The following CDH18 variants were observed in gnomAD, a reference collection of about 807,000 sequenced individuals.
The protein encoded by CDH18 is cadherin 18.
CDH18 carries 31 observed loss-of-function variants against 67.9 expected under a neutral mutation model. That is an observed-to-expected ratio of 0.46 (90% CI 0.34 to 0.62). The LOEUF is 0.62. CDH18 is among the 20% of genes least tolerant of loss of function. The pLI is 0.01. For synonymous variants in CDH18, 362 were observed against 347.2 expected, an observed-to-expected ratio of 1.04 and a Z score of -0.48; for missense variants, 890 against 975.5, an observed-to-expected ratio of 0.91 and a Z score of 1.17.
intron 2 of CDH18, among the ~76,000 whole-genome samples, chr5:19,852,026 G>A (rs1157191571): frequency 6.6e-6 from 1 of 151,926 alleles, no homozygotes; most frequent in East Asian, 1.9e-4. Context: ...GGAATAAAAT[G>A]GATTATTTGC....
At chr5:20,367,166 G>A (rs1280218697) in intron 1 of CDH18, among the ~76,000 whole-genome samples, 1 of 152,128 alleles carries the variant, frequency 6.6e-6, no homozygotes, top group African/African-American at 2.4e-5. Context: ...TTGATTGAGA[G>A]CAGTAGATAC....
chr5:20,173,527 TA>T (rs1737004091), intron 2 of CDH18, among the ~76,000 whole-genome samples: 1 of 152,130 alleles, frequency 6.6e-6, no homozygotes, highest in South Asian at 2.1e-4. Flanking sequence ...AAAATGTAGG[TA>T]AGTACCTCTG....
intron 2 of CDH18, among the ~76,000 whole-genome samples, chr5:20,241,905 T>TAAAA (rs1554106552): frequency 1.4e-5 from 2 of 141,450 alleles, no homozygotes; most frequent in African/African-American, 5.6e-5. Flanking sequence ...TATATATATA[T>TAAAA]ATATTGCTTA....
chr5:20,417,679 C>T (rs1747432069), intron 1 of CDH18, among the ~76,000 whole-genome samples: 1 of 152,134 alleles, frequency 6.6e-6, no homozygotes, highest in Non-Finnish European at 1.5e-5. Flanking sequence ...GAGAAGACAG[C>T]TAAGCACTGC....
intron 2 of CDH18, among the ~76,000 whole-genome samples, chr5:19,972,840 T>G (rs1211587265): frequency 2.0e-5 from 3 of 152,000 alleles, no homozygotes; most frequent in African/African-American, 7.2e-5. Flanking sequence ...ACAGTTATAT[T>G]ATTTGTAATA....
At chr5:20,012,095 T>A (rs1167378920) in intron 2 of CDH18, among the ~76,000 whole-genome samples, 8 of 151,980 alleles carry the variant, frequency 5.3e-5, no homozygotes, top group Admixed American at 5.3e-4. Flanking sequence ...TGGAAGACTA[T>A]AACTGCCTCA....
At chr5:20,004,408 A>G (rs1403454602) in intron 2 of CDH18, among the ~76,000 whole-genome samples, 1 of 152,202 alleles carries the variant, frequency 6.6e-6, no homozygotes, top group Non-Finnish European at 1.5e-5. Flanking sequence ...AGCTCCTTCC[A>G]TATACATAAT....
chr5:19,508,641 G>T (rs904784989), intron 10 of CDH18, among the ~76,000 whole-genome samples: 3 of 151,966 alleles, frequency 2.0e-5, no homozygotes, highest in Non-Finnish European at 4.4e-5. Context: ...ACAAATAGAT[G>T]TATCCACTTT....
In CDH18 at chr5:20,122,050, A is replaced by T. The variant is rs562791147; in HGVS notation, c.-517-130036T>A. Among the ~76,000 whole-genome samples the T allele has an allele frequency of 5.9e-5, 9 of 152,338 alleles. No homozygotes were observed. The East Asian group carries it at 1.7e-3, about 29-fold the overall frequency. On this transcript the variant is annotated intron_variant, in intron 2 of 14. Coordinates refer to the CDH18 transcript ENST00000507958. Reference sequence around the variant, plus strand: ...TCCCTCCCCCCTCTCACAATGAAGTATGTAGAGAAATAAATTGTGTTAGAA... The same window carrying T: ...TCCCTCCCCCCTCTCACAATGAAGTTTGTAGAGAAATAAATTGTGTTAGAA...
chr5:19,783,712 G>A (rs747654714), intron 3 of CDH18, among the ~76,000 whole-genome samples: 1 of 152,122 alleles, frequency 6.6e-6, no homozygotes, highest in Non-Finnish European at 1.5e-5. Flanking sequence ...ATGAGGTGGA[G>A]TCTCATCTCC....
intron 2 of CDH18, among the ~76,000 whole-genome samples, chr5:20,128,577 T>C (rs1378583488): frequency 6.6e-6 from 1 of 152,058 alleles, no homozygotes; most frequent in Non-Finnish European, 1.5e-5. Context: ...AAACAATTCA[T>C]TGTCCACACA....
chr5:20,181,469 T>C (rs1446820752), intron 2 of CDH18, among the ~76,000 whole-genome samples: 2 of 152,112 alleles, frequency 1.3e-5, no homozygotes, highest in Admixed American at 6.6e-5. Flanking sequence ...GTGCCCCAAC[T>C]GAGTTCTCAA....
At chr5:20,228,254 C>G (rs1269588238) in intron 2 of CDH18, among the ~76,000 whole-genome samples, 1 of 151,926 alleles carries the variant, frequency 6.6e-6, no homozygotes, top group African/African-American at 2.4e-5. Flanking sequence ...TTTATTTTGA[C>G]TAGAAATTTT....
chr5:20,290,423 T>C (rs1158262074), intron 1 of CDH18, among the ~76,000 whole-genome samples: 1 of 152,126 alleles, frequency 6.6e-6, no homozygotes, highest in Admixed American at 6.6e-5. Context: ...GATGGCAACA[T>C]CTATTCAACA....
intron 2 of CDH18, among the ~76,000 whole-genome samples, chr5:20,069,094 T>C (rs1443932296): frequency 6.6e-6 from 1 of 152,116 alleles, no homozygotes; most frequent in African/African-American, 2.4e-5. Context: ...TGTTCAGCAG[T>C]GTTTTAAAAC....
chr5:20,321,360 C>T (rs1252125595), intron 1 of CDH18, among the ~76,000 whole-genome samples: 2 of 152,126 alleles, frequency 1.3e-5, no homozygotes, highest in African/African-American at 4.8e-5. Context: ...GAGTGTCAGA[C>T]ACCAGGGACC....
chr5:19,962,695 G>T (rs1797043834), intron 2 of CDH18, among the ~76,000 whole-genome samples: 1 of 151,974 alleles, frequency 6.6e-6, no homozygotes, highest in African/African-American at 2.4e-5. Context: ...AGAATCTATT[G>T]AACCTGGGAG....
chr5:19,632,916 CT>C (rs1369980785), intron 5 of CDH18, among the ~76,000 whole-genome samples: 1 of 152,090 alleles, frequency 6.6e-6, no homozygotes, highest in Admixed American at 6.6e-5. Context: ...CTCCAACTAG[CT>C]GCTGTTTTGC....
intron 5 of CDH18, among the ~76,000 whole-genome samples, chr5:19,696,764 A>G (rs1275903398): frequency 1.3e-5 from 2 of 152,106 alleles, no homozygotes; most frequent in African/African-American, 4.8e-5. Flanking sequence ...GGGAACCACC[A>G]AGTTGTTCTC....
Sources: gnomAD v4.1 joint callset for allele counts (sites outside exome capture counted in the v4.1 genomes callset) on GRCh38, gnomAD v4.1.1 for gene constraint, MANE v1.5 for transcripts, NCBI Gene and HGNC (gene_info 2026-07-23, HGNC 2026-07-21) for gene names.